EYS: variants seen among roughly 807,000 people sequenced by gnomAD.
EYS encodes the protein protein eyes shut homolog.
In EYS, 250 loss-of-function variants were observed where a neutral mutation model predicts 282.1. The ratio of observed to expected loss-of-function variants is 0.89; its 90% CI spans 0.80 to 0.98. EYS has a LOEUF of 0.98. Ranked by LOEUF, EYS falls within the 50% of genes least tolerant of loss-of-function variation. The probability of loss-of-function intolerance (pLI) is 0.00; values close to 1 mark genes in which losing one functional copy is unlikely to be tolerated. For synonymous variants in EYS, 1,355 were observed against 1,282.9 expected (o/e 1.06, Z -1.20); for missense variants, 4,016 against 3,709.0 (o/e 1.08, Z -2.15).
chr6:65,028,866 C>G (rs1772508853), intron 13 of EYS, among the ~76,000 whole-genome samples: 1 of 152,064 alleles, frequency 6.6e-6, no homozygotes, highest in Admixed American at 6.6e-5. Context: ...CTCCACCTTA[C>G]TTTCATGTAT....
intron 29 of EYS, among the ~76,000 whole-genome samples, chr6:64,363,427 A>G (rs1772083142): frequency 1.3e-5 from 2 of 151,892 alleles, no homozygotes; most frequent in African/African-American, 4.8e-5. Flanking sequence ...TGGTGACTTC[A>G]TTAATGAATG....
chr6:65,595,781 A>G (rs1582498226), intron 2 of EYS, among the ~76,000 whole-genome samples: 1 of 152,258 alleles, frequency 6.6e-6, no homozygotes, highest in African/African-American at 2.4e-5. Flanking sequence ...GGCAGCTTCT[A>G]AGGTGACCGC....
chr6:64,804,204 A>T (rs925797089), intron 22 of EYS, among the ~76,000 whole-genome samples: 18 of 152,320 alleles, frequency 1.2e-4, no homozygotes, highest in African/African-American at 4.3e-4. Flanking sequence ...TTTGATATTT[A>T]TCAGTTAAAA....
intron 26 of EYS, among the ~76,000 whole-genome samples, chr6:64,458,911 G>A (rs527391887): frequency 6.6e-6 from 1 of 152,238 alleles, no homozygotes; most frequent in South Asian, 2.1e-4. Flanking sequence ...TATCCTGTGT[G>A]AACAGACTGT....
chr6:65,606,697 A>G (rs980812578), intron 2 of EYS, among the ~76,000 whole-genome samples: 3 of 151,906 alleles, frequency 2.0e-5, no homozygotes, highest in African/African-American at 7.2e-5. Flanking sequence ...AAAATTACTT[A>G]AATGAAAAGT....
intron 22 of EYS, among the ~76,000 whole-genome samples, chr6:64,661,959 A>G (rs1411495291): frequency 6.6e-6 from 1 of 151,546 alleles, no homozygotes; most frequent in African/African-American, 2.4e-5. Flanking sequence ...CACTATTCAC[A>G]ATAGCAAAGA....
At chr6:63,733,113 C>A (rs1768821440) in intron 41 of EYS, among the ~76,000 whole-genome samples, 1 of 151,906 alleles carries the variant, frequency 6.6e-6, no homozygotes, top group Non-Finnish European at 1.5e-5. Context: ...GATTAAAGAA[C>A]AGGAAGGAGG....
chr6:65,138,881 A>G (rs369084843), intron 12 of EYS, among the ~76,000 whole-genome samples: 1 of 152,176 alleles, frequency 6.6e-6, no homozygotes, highest in African/African-American at 2.4e-5. Context: ...CAAAACCACA[A>G]TGAGATACCA....
intron 14 of EYS, among the ~76,000 whole-genome samples, chr6:64,963,272 A>T (rs1769984249): frequency 6.6e-6 from 1 of 152,228 alleles, no homozygotes; most frequent in Non-Finnish European, 1.5e-5. Flanking sequence ...TTCATTAGCG[A>T]AATTATTATT....
intron 36 of EYS, among the ~76,000 whole-genome samples, chr6:63,814,704 C>T (rs1363424847): frequency 6.6e-6 from 1 of 152,070 alleles, no homozygotes; most frequent in Admixed American, 6.6e-5. Context: ...TAACTAGGTA[C>T]TGGTAGGATG....
At chr6:64,513,009 AG>A (rs1002660226) in intron 26 of EYS, among the ~76,000 whole-genome samples, 10 of 151,910 alleles carry the variant, frequency 6.6e-5, no homozygotes, top group African/African-American at 2.2e-4. Flanking sequence ...TTTTACTTAA[AG>A]GAAAAAAAAA....
chr6:63,727,706 C>CAAAAAAAAAAAAA (rs1169878020), intron 41 of EYS, among the ~76,000 whole-genome samples: 1 of 9,524 alleles, frequency 1.0e-4, no homozygotes, highest in Admixed American at 2.7e-3. Context: ...CACCATCTCT[C>CAAAAAAAAAAAAA]AAAAAAAAAA....
intron 12 of EYS, among the ~76,000 whole-genome samples, chr6:65,208,294 A>G (rs1766087075): frequency 6.6e-6 from 1 of 151,920 alleles, no homozygotes; most frequent in South Asian, 2.1e-4. Context: ...AAATGTGCAT[A>G]AACAACAGAT....
At chr6:64,692,977 CTTT>C (rs67700846) in intron 22 of EYS, among the ~76,000 whole-genome samples, 3 of 11,496 alleles carry the variant, frequency 2.6e-4, no homozygotes, top group Admixed American at 1.9e-3. Flanking sequence ...GCTGCTTGGG[CTTT>C]TTTTTTTTTT....
Position 65,627,563 on chromosome 6 carries a change from G to C in EYS, c.-333+12215C>G, listed in dbSNP as rs557719769. ...AGCAGGAACCGGGGCTGCCTGCCGC[G>C]CTTGCGGGCCAGCTGGAGTTCCGGG... On this transcript the variant is annotated intron_variant, in intron 2 of 42. Transcript: ENST00000503581. Among the ~76,000 whole-genome samples, 5 of 152,256 alleles carry C rather than the reference G, an allele frequency of 3.3e-5. No homozygotes were observed. The East Asian group carries it at 9.7e-4, about 30-fold the overall frequency.
At chr6:64,908,231 C>T (rs1767888947) in intron 16 of EYS, among the ~76,000 whole-genome samples, 1 of 152,078 alleles carries the variant, frequency 6.6e-6, no homozygotes, top group South Asian at 2.1e-4. Flanking sequence ...AGTGCAGGAC[C>T]TGGCTGGCCA....
intron 22 of EYS, among the ~76,000 whole-genome samples, chr6:64,688,029 T>G (rs1380627849): frequency 6.6e-6 from 1 of 152,186 alleles, no homozygotes; most frequent in East Asian, 1.9e-4. Flanking sequence ...TTTATAGTAT[T>G]CTCTAATGGT....
intron 30 of EYS, among the ~76,000 whole-genome samples, chr6:64,276,590 A>T (rs549151311): frequency 1.3e-5 from 2 of 152,148 alleles, no homozygotes; most frequent in African/African-American, 4.8e-5. Flanking sequence ...AAGCCACACT[A>T]TTGTTCTAAT....
intron 41 of EYS, among the ~76,000 whole-genome samples, chr6:63,753,514 G>C (rs1182113036): frequency 6.6e-6 from 1 of 152,058 alleles, no homozygotes; most frequent in Admixed American, 6.6e-5. Flanking sequence ...TGGGAAGCAA[G>C]GACCTTCTTC....
Sources: allele counts gnomAD v4.1 joint callset (sites outside exome capture counted in the v4.1 genomes callset), GRCh38; gene constraint gnomAD v4.1.1; transcripts MANE v1.5; gene names NCBI Gene and HGNC (gene_info 2026-07-23, HGNC 2026-07-21).